GPC5: variants seen among roughly 807,000 people sequenced by gnomAD.
GPC5 encodes glypican-5.
GPC5 carries 47 observed loss-of-function variants against 53.9 expected under a neutral mutation model. That is an observed-to-expected ratio of 0.87 (90% confidence interval 0.69 to 1.11). The LOEUF (loss-of-function observed/expected upper bound fraction) is 1.11, where lower values mean the gene tolerates loss of function less well. Among genes scored for constraint, GPC5 ranks in the 50% most tolerant of loss-of-function variants. The pLI, the probability that GPC5 is intolerant of heterozygous loss-of-function variation, is 0.00. For missense variants in GPC5, 748 were observed against 713.1 expected (o/e 1.05, Z -0.56); for synonymous variants, 286 against 263.3 (o/e 1.09, Z -0.84).
intron 7 of GPC5, among the ~76,000 whole-genome samples, chr13:92,406,446 C>T (rs940374771): frequency 2.6e-5 from 4 of 152,056 alleles, no homozygotes; most frequent in Admixed American, 2.6e-4. Flanking sequence ...CCAAAATATA[C>T]GTGGAGCTAT....
At chr13:92,474,122 C>T (rs1199066105) in intron 7 of GPC5, among the ~76,000 whole-genome samples, 2 of 148,908 alleles carry the variant, frequency 1.3e-5, no homozygotes, top group African/African-American at 5.0e-5. Context: ...ATATGTGTTG[C>T]TTTCAAATTA....
chr13:91,425,335 G>A (rs1200829110), intron 1 of GPC5, among the ~76,000 whole-genome samples: 1 of 152,170 alleles, frequency 6.6e-6, no homozygotes, highest in Non-Finnish European at 1.5e-5. Context: ...AACTAGAATA[G>A]TGTGTGATAT....
intron 1 of GPC5, among the ~76,000 whole-genome samples, chr13:91,411,126 A>ACAAC (rs1350512114): frequency 6.6e-6 from 1 of 152,198 alleles, no homozygotes; most frequent in Non-Finnish European, 1.5e-5. Context: ...AAACAAACAA[A>ACAAC]CAAAAAAACA....
intron 6 of GPC5, among the ~76,000 whole-genome samples, chr13:92,055,419 C>G (rs2041066411): frequency 6.6e-6 from 1 of 152,108 alleles, no homozygotes; most frequent in Non-Finnish European, 1.5e-5. Context: ...ATTATAAATT[C>G]AAAATTGCTA....
At chr13:92,477,313 G>T (rs75119758) in intron 7 of GPC5, among the ~76,000 whole-genome samples, 102 of 152,236 alleles carry the variant, frequency 6.7e-4, no homozygotes, top group Admixed American at 1.2e-3. Context: ...AGCCAAGACT[G>T]TTTAGAATCT....
intron 2 of GPC5, among the ~76,000 whole-genome samples, chr13:91,573,178 C>T (rs891485976): frequency 3.9e-5 from 6 of 152,168 alleles, no homozygotes; most frequent in African/African-American, 7.2e-5. Context: ...CTTGGTTCCT[C>T]GTTTCCAAGG....
At chr13:91,927,519 A>G (rs1374727598) in intron 6 of GPC5, among the ~76,000 whole-genome samples, 3 of 152,148 alleles carry the variant, frequency 2.0e-5, no homozygotes, top group African/African-American at 4.8e-5. Context: ...AGAGAGAACT[A>G]TTGTATAAAT....
chr13:92,315,358 G>T (rs1477003317), intron 7 of GPC5, among the ~76,000 whole-genome samples: 1 of 152,056 alleles, frequency 6.6e-6, no homozygotes, highest in African/African-American at 2.4e-5. Flanking sequence ...TGAATAATTG[G>T]TAAGGACACC....
At position 91,643,766 on chromosome 13, in the gene GPC5, C is replaced by G. The variant is rs140612696; in HGVS notation, c.326-49421C>G. On this transcript the variant is annotated intron_variant, in intron 2 of 7. Transcript: ENST00000377067. ...GCCTTCACCATCACATGGCCTCCCCCCTGTGTACCTGTCTCTGTCCAAATT... is the reference window on the plus strand; with the variant it reads ...GCCTTCACCATCACATGGCCTCCCCGCTGTGTACCTGTCTCTGTCCAAATT... 9.8e-3 allele frequency among the ~76,000 whole-genome samples: 1,489 copies of G among 152,222 alleles called. 27 individuals are homozygous for G. The highest frequency in any genetic ancestry group is 0.033 in the African/African-American group (1,381 of 41,534).
intron 7 of GPC5, among the ~76,000 whole-genome samples, chr13:92,181,804 A>G (rs1270552785): frequency 6.6e-6 from 1 of 152,220 alleles, no homozygotes; most frequent in Non-Finnish European, 1.5e-5. Context: ...ATGGTGAAAA[A>G]GAGTTTGAGG....
At chr13:92,681,829 A>G (rs1332237390) in intron 7 of GPC5, among the ~76,000 whole-genome samples, 1 of 152,162 alleles carries the variant, frequency 6.6e-6, no homozygotes, top group Non-Finnish European at 1.5e-5. Flanking sequence ...GGCCTAGAAA[A>G]TTTGACTATT....
intron 5 of GPC5, among the ~76,000 whole-genome samples, chr13:91,801,321 C>A (rs1434282994): frequency 1.4e-5 from 2 of 146,070 alleles, no homozygotes; most frequent in Non-Finnish European, 1.5e-5. Context: ...AATGTTTGGT[C>A]TGTTTAATTT....
At chr13:91,746,188 G>A (rs1391994730) in intron 4 of GPC5, among the ~76,000 whole-genome samples, 1 of 152,152 alleles carries the variant, frequency 6.6e-6, no homozygotes, top group Admixed American at 6.5e-5. Flanking sequence ...GGTTGAGCCT[G>A]CTCATTAGTG....
intron 7 of GPC5, among the ~76,000 whole-genome samples, chr13:92,298,718 G>T (rs1383508862): frequency 6.6e-6 from 1 of 152,052 alleles, no homozygotes; most frequent in Non-Finnish European, 1.5e-5. Flanking sequence ...CCTTTAGGGG[G>T]TGTGTGGGTC....
chr13:92,150,070 T>G (rs1054269207), intron 7 of GPC5, among the ~76,000 whole-genome samples: 1 of 152,070 alleles, frequency 6.6e-6, no homozygotes, highest in African/African-American at 2.4e-5. Flanking sequence ...CCATTAATAT[T>G]TTTTCAAATA....
intron 7 of GPC5, among the ~76,000 whole-genome samples, chr13:92,823,211 T>C (rs1877732756): frequency 6.6e-6 from 1 of 152,110 alleles, no homozygotes; most frequent in Non-Finnish European, 1.5e-5. Context: ...ACCAGGTGCA[T>C]AGGAAATATA....
At chr13:92,538,431 T>C (rs1419234459) in intron 7 of GPC5, among the ~76,000 whole-genome samples, 1 of 151,350 alleles carries the variant, frequency 6.6e-6, no homozygotes, top group Non-Finnish European at 1.5e-5. Context: ...TTCCTCCTTT[T>C]TCCCATTTCT....
At chr13:91,990,432 A>AT (rs2040446497) in intron 6 of GPC5, among the ~76,000 whole-genome samples, 1 of 152,186 alleles carries the variant, frequency 6.6e-6, no homozygotes, top group Non-Finnish European at 1.5e-5. Context: ...GTATGTAAAA[A>AT]TTGCAGCGTG....
intron 6 of GPC5, among the ~76,000 whole-genome samples, chr13:92,035,246 G>A (rs2040883703): frequency 6.6e-6 from 1 of 151,764 alleles, no homozygotes; most frequent in Admixed American, 6.6e-5. Flanking sequence ...TAGAGATGAG[G>A]CAAAACTGGA....
Sources: allele counts gnomAD v4.1 joint callset (sites outside exome capture counted in the v4.1 genomes callset), GRCh38; gene constraint gnomAD v4.1.1; transcripts MANE v1.5; gene names NCBI Gene and HGNC (gene_info 2026-07-23, HGNC 2026-07-21).